Variants in CD47 observed in about 807,000 individuals in gnomAD.
CD47 encodes leukocyte surface antigen CD47.
In CD47, 11 loss-of-function variants were observed where a neutral mutation model predicts 44.6. That is an observed-to-expected ratio of 0.25 (90% confidence interval 0.16 to 0.41). The LOEUF (loss-of-function observed/expected upper bound fraction) is 0.41. Among genes scored for constraint, CD47 ranks in the 10% least tolerant of loss-of-function variants. CD47 has a pLI of 1.00. For synonymous variants in CD47, 140 were observed against 136.3 expected, an observed-to-expected ratio of 1.03 and a Z score of -0.19; for missense variants, 306 against 386.7, an observed-to-expected ratio of 0.79 and a Z score of 1.75.
intron 1 of CD47, 64 bp from the exon 2 acceptor site, chr3:108,080,408 T>C (rs1443230699): frequency 1.2e-6 from 1 of 815,432 alleles, no homozygotes; most frequent in South Asian, 1.8e-5. Context: ...ATCTTAGGCA[T>C]GTTACAAATC....
rs896247637 is a variant in CD47, at chr3:108,048,381, T to G, written c.968-1089A>C. On this transcript the variant is annotated intron_variant, in intron 10 of 10. Coordinates refer to ENST00000361309, the MANE Select transcript of CD47 (RefSeq NM_001777.4). ...ATGCATGACTGGAGTGTTTTTTTTT[T>G]TTTTTTTTTTTTTTTTTTCTTGAGA... Among the ~76,000 whole-genome samples, 26 of 136,622 alleles carry G rather than the reference T, an allele frequency of 1.9e-4. 2 individuals are homozygous for G. The highest frequency in any genetic ancestry group is 5.1e-4 in the African/African-American group (18 of 35,602). 89.6% of individuals were successfully genotyped at this position (136,622 alleles called of 152,430 possible).
chr3:108,069,313 A>G (rs2079155157), intron 3 of CD47, among the ~76,000 whole-genome samples: 1 of 152,198 alleles, frequency 6.6e-6, no homozygotes. Flanking sequence ...AAAGTAGAAC[A>G]CAGGCAGCTA....
intron 1 of CD47, among the ~76,000 whole-genome samples, chr3:108,089,254 T>A (rs1038459187): frequency 6.6e-6 from 1 of 152,202 alleles, no homozygotes; most frequent in African/African-American, 2.4e-5. Flanking sequence ...TAAAATACTA[T>A]AAATTCTGAA....
intron 1 of CD47, among the ~76,000 whole-genome samples, chr3:108,085,769 T>A (rs920326753): frequency 3.3e-5 from 5 of 152,146 alleles, no homozygotes; most frequent in Non-Finnish European, 5.9e-5. Context: ...TCCTTGTGAA[T>A]GTAAAAAGTT....
At chr3:108,049,461 C>A (rs967684376) in intron 10 of CD47, among the ~76,000 whole-genome samples, 158 bp downstream of exon 10, 1 of 152,244 alleles carries the variant, frequency 6.6e-6, no homozygotes, top group African/African-American at 2.4e-5. Context: ...CAATTTTTAG[C>A]AAAGTAGATT....
intron 8 of CD47, 186 bp downstream of exon 8, chr3:108,051,753 C>A (rs762814380): frequency 8.8e-6 from 6 of 682,256 alleles, no homozygotes; most frequent in Non-Finnish European, 1.7e-5. Context: ...CCCATTGACA[C>A]TAAAATGACC....
chr3:108,060,547 CT>C (rs1348262340), intron 4 of CD47, among the ~76,000 whole-genome samples, 197 bp downstream of exon 4: 1 of 152,182 alleles, frequency 6.6e-6, no homozygotes, highest in East Asian at 1.9e-4. Flanking sequence ...TCCATACAGC[CT>C]TGAGAGGGAG....
chr3:108,063,044 G>C (rs2079043748), intron 3 of CD47, among the ~76,000 whole-genome samples: 1 of 152,100 alleles, frequency 6.6e-6, no homozygotes, highest in Non-Finnish European at 1.5e-5. Flanking sequence ...GGAGAAAACA[G>C]TGCAAACAAT....
intron 4 of CD47, 80 bp from the exon 5 acceptor site, chr3:108,059,624 T>C: frequency 1.6e-6 from 1 of 644,532 alleles, no homozygotes; most frequent in Admixed American, 3.4e-5. Context: ...GCTTGACAAC[T>C]GTGAAAATTT....
rs558128887 is a variant in CD47, at chr3:108,056,384, AT to A, written c.877+1092del. On this transcript the variant is annotated intron_variant, in intron 7 of 10. Transcript: ENST00000361309. ...CATTAATTAAAGAAAGACACAGAAT[AT>A]ATGACAGAATTGAATTCAATTAACA... Among the ~76,000 whole-genome samples, 360 of 152,344 alleles carry A rather than the reference AT, an allele frequency of 2.4e-3. 4 individuals carry two copies. Among genetic ancestry groups the A allele is most frequent in the African/African-American group, 8.2e-3 (339 of 41,594 alleles).
rs2078673313 is a variant in CD47, at chr3:108,044,006, T to G, written c.*3282A>C. ...GTAAAACTGTTTATAAAAAAATCCC[T>G]CAACCAAATAAAATACAATAAAAAA... On this transcript the variant is annotated 3_prime_UTR_variant, in exon 11 of 11. Transcript: ENST00000361309. 6.6e-6 allele frequency: 1 copy of G among 152,610 alleles called. No individual in the cohort carries two copies. The highest frequency in any genetic ancestry group is 2.4e-5 in the African/African-American group (1 of 41,454). 9.5% of individuals were successfully genotyped at this position (152,610 alleles called of 1,614,324 possible).
intron 10 of CD47, among the ~76,000 whole-genome samples, chr3:108,048,673 C>T (rs994035509): frequency 1.3e-5 from 2 of 152,076 alleles, no homozygotes; most frequent in South Asian, 2.1e-4. Context: ...CGTGAGCCAC[C>T]GCGCCCGGCC....
intron 2 of CD47, among the ~76,000 whole-genome samples, chr3:108,079,147 G>A (rs1470959212): frequency 6.6e-6 from 1 of 151,942 alleles, no homozygotes; most frequent in African/African-American, 2.4e-5. Flanking sequence ...TAGAGTTAAG[G>A]TTCTCAAAAT....
At chr3:108,058,909 T>A (rs1163854119) in intron 5 of CD47, among the ~76,000 whole-genome samples, 1 of 152,206 alleles carries the variant, frequency 6.6e-6, no homozygotes. Flanking sequence ...TAAATGTGAC[T>A]CTTTAATAGT....
intron 4 of CD47, 22 bp downstream of exon 4, chr3:108,060,723 G>C: frequency 6.7e-7 from 1 of 1,500,128 alleles, no homozygotes; most frequent in Admixed American, 1.7e-5. Flanking sequence ...CTGCGTTCCT[G>C]CCTAGGAACT....
intron 3 of CD47, among the ~76,000 whole-genome samples, chr3:108,069,048 C>T (rs886607259): frequency 3.3e-5 from 5 of 152,250 alleles, no homozygotes; most frequent in Admixed American, 1.3e-4. Flanking sequence ...TTTCACCCAT[C>T]AAATTTGCAG....
intron 2 of CD47, among the ~76,000 whole-genome samples, chr3:108,075,466 A>C (rs2108260073): frequency 6.6e-6 from 1 of 152,342 alleles, no homozygotes; most frequent in East Asian, 1.9e-4. Context: ...ACACACGCAT[A>C]CACCACAGTA....
chr3:108,091,024 C>T lies in CD47; in HGVS notation c.-116G>A, dbSNP rs1247410566. The T allele has an allele frequency of 9.9e-6, 6 of 608,078 alleles. No individual in the cohort carries two copies. The highest frequency in any genetic ancestry group is 1.4e-5 in the Non-Finnish European group (6 of 419,164). The allele number at this position is 608,078 out of a possible 1,614,324, so 37.7% of individuals were successfully genotyped here. A position where few individuals can be genotyped will look rare whatever the true frequency, so the allele number is the denominator to read the frequency against. On this transcript the variant is annotated 5_prime_UTR_variant, in exon 1 of 11. Transcript: ENST00000361309. ...CGCGTCACAGGCAGGACCCACTGCC[C>T]AGGCTGCACGGCCGCGCGCACGCGC...
At chr3:108,078,152 A>G (rs1243594753) in intron 2 of CD47, among the ~76,000 whole-genome samples, 1 of 152,128 alleles carries the variant, frequency 6.6e-6, no homozygotes, top group Non-Finnish European at 1.5e-5. Context: ...CTGTAAATCA[A>G]TAATTATTTC....
Sources: allele counts gnomAD v4.1 joint callset (sites outside exome capture counted in the v4.1 genomes callset), GRCh38; gene constraint gnomAD v4.1.1; transcripts MANE v1.5; gene names NCBI Gene and HGNC (gene_info 2026-07-23, HGNC 2026-07-21).